COL25A1: variants seen among roughly 807,000 people sequenced by gnomAD.
COL25A1 encodes collagen alpha-1(XXV) chain.
A neutral mutation model predicts 128.4 loss-of-function variants in COL25A1; 103 were observed. That is an observed-to-expected ratio of 0.80 (90% CI 0.68 to 0.94). COL25A1 has a LOEUF of 0.94. Among genes scored for constraint, COL25A1 ranks in the 40% least tolerant of loss-of-function variants. The pLI is 0.00. For synonymous variants in COL25A1, 279 were observed against 277.2 expected, an observed-to-expected ratio of 1.01 and a Z score of -0.06; for missense variants, 745 against 840.0, an observed-to-expected ratio of 0.89 and a Z score of 1.40.
intron 3 of COL25A1, among the ~76,000 whole-genome samples, chr4:109,149,362 C>T (rs1356792772): frequency 6.6e-6 from 1 of 152,026 alleles, no homozygotes; most frequent in East Asian, 1.9e-4. Context: ...TATATAAAAA[C>T]TACACTATTC....
chr4:109,091,947 G>A (rs1764948891), intron 3 of COL25A1, among the ~76,000 whole-genome samples: 1 of 152,126 alleles, frequency 6.6e-6, no homozygotes, highest in South Asian at 2.1e-4. Flanking sequence ...GACCAAAGCC[G>A]AGAGACGCAG....
intron 30 of COL25A1, among the ~76,000 whole-genome samples, chr4:108,842,513 A>G (rs758846534): frequency 5.3e-5 from 8 of 152,238 alleles, no homozygotes; most frequent in Non-Finnish European, 1.0e-4. Context: ...ATTTGGAGAA[A>G]GGAGTATTTA....
At chr4:109,129,795 T>C (rs1021114131) in intron 3 of COL25A1, among the ~76,000 whole-genome samples, 5 of 152,196 alleles carry the variant, frequency 3.3e-5, no homozygotes, top group Non-Finnish European at 4.4e-5. Flanking sequence ...ATAGATTGTA[T>C]AGATTTGGCC....
chr4:108,846,566 C>A (rs1337879767), intron 27 of COL25A1, among the ~76,000 whole-genome samples: 1 of 152,126 alleles, frequency 6.6e-6, no homozygotes, highest in Non-Finnish European at 1.5e-5. Context: ...CTCAACAATA[C>A]AGGATGTATT....
At chr4:109,138,849 A>C (rs563954081) in intron 3 of COL25A1, among the ~76,000 whole-genome samples, 1 of 152,228 alleles carries the variant, frequency 6.6e-6, no homozygotes, top group East Asian at 1.9e-4. Context: ...CTGGGACTAC[A>C]GGCACCCACC....
intron 6 of COL25A1, among the ~76,000 whole-genome samples, chr4:108,983,808 C>T (rs1753314334): frequency 6.6e-6 from 1 of 152,138 alleles, no homozygotes; most frequent in African/African-American, 2.4e-5. Context: ...AGGAGTGAAG[C>T]TGCAGACCTT....
intron 8 of COL25A1, among the ~76,000 whole-genome samples, chr4:108,952,474 C>T (rs1407182734): frequency 6.6e-6 from 1 of 152,118 alleles, no homozygotes; most frequent in African/African-American, 2.4e-5. Context: ...TTGAATTCAG[C>T]CCCATCTGAA....
At chr4:109,240,227 C>A (rs1278392531) in intron 3 of COL25A1, among the ~76,000 whole-genome samples, 1 of 151,944 alleles carries the variant, frequency 6.6e-6, no homozygotes, top group African/African-American at 2.4e-5. Flanking sequence ...ACGTACTGTG[C>A]ATAACTGTAT....
intron 3 of COL25A1, among the ~76,000 whole-genome samples, chr4:109,152,784 A>G (rs1771627352): frequency 6.6e-6 from 1 of 152,258 alleles, no homozygotes; most frequent in South Asian, 2.1e-4. Context: ...CAAATATTGT[A>G]TGATTCAATT....
At chr4:109,136,417 A>C (rs1769771297) in intron 3 of COL25A1, among the ~76,000 whole-genome samples, 1 of 152,156 alleles carries the variant, frequency 6.6e-6, no homozygotes, top group African/African-American at 2.4e-5. Flanking sequence ...TAATAATAAT[A>C]ATCTTAAAGA....
intron 31 of COL25A1, chr4:108,838,192 C>T: frequency 6.5e-7 from 1 of 1,546,706 alleles, no homozygotes; most frequent in Non-Finnish European, 8.7e-7. Flanking sequence ...AATGCAAAAG[C>T]AAATGCCAAT....
At chr4:109,192,442 C>T (rs1775694891) in intron 3 of COL25A1, among the ~76,000 whole-genome samples, 1 of 151,930 alleles carries the variant, frequency 6.6e-6, no homozygotes, top group African/African-American at 2.4e-5. Context: ...TGTTGAAGTT[C>T]TAACCCTCAG....
At chr4:109,092,939 T>C (rs1265839826) in intron 3 of COL25A1, among the ~76,000 whole-genome samples, 1 of 152,140 alleles carries the variant, frequency 6.6e-6, no homozygotes, top group Non-Finnish European at 1.5e-5. Context: ...CATAGGAGAT[T>C]GTGAAGATTG....
chr4:109,190,211 A>G (rs1775485928), intron 3 of COL25A1, among the ~76,000 whole-genome samples: 1 of 152,202 alleles, frequency 6.6e-6, no homozygotes, highest in South Asian at 2.1e-4. Context: ...AAGTAATTGG[A>G]ATGAAAACAA....
intron 3 of COL25A1, among the ~76,000 whole-genome samples, chr4:109,068,539 T>A (rs573084743): frequency 6.6e-6 from 1 of 152,140 alleles, no homozygotes; most frequent in South Asian, 2.1e-4. Context: ...TCAAAGGAAG[T>A]TTACTTCTAA....
chr4:108,973,454 C>T (rs1175078020), intron 8 of COL25A1, among the ~76,000 whole-genome samples: 1 of 152,206 alleles, frequency 6.6e-6, no homozygotes, highest in Non-Finnish European at 1.5e-5. Flanking sequence ...TTCAAGTTTG[C>T]ATCAACTGCA....
chr4:108,963,740 T>A (rs1444777244), intron 8 of COL25A1, among the ~76,000 whole-genome samples: 5 of 151,832 alleles, frequency 3.3e-5, no homozygotes, highest in Non-Finnish European at 7.4e-5. Flanking sequence ...AACCAATATT[T>A]TATAAAAAGC....
intron 3 of COL25A1, among the ~76,000 whole-genome samples, chr4:109,185,510 CCTGT>C (rs1441397382): frequency 6.6e-6 from 1 of 152,178 alleles, no homozygotes; most frequent in Non-Finnish European, 1.5e-5. Context: ...TTCAAACCTT[CCTGT>C]CTATTTTTTG....
chr4:108,918,824 A>G (rs1039864928), intron 12 of COL25A1, among the ~76,000 whole-genome samples: 5 of 152,226 alleles, frequency 3.3e-5, no homozygotes, highest in African/African-American at 1.2e-4. Context: ...AAAAAAAGTT[A>G]AGGTGTGTGT....
Sources: allele counts gnomAD v4.1 joint callset (sites outside exome capture counted in the v4.1 genomes callset), GRCh38; gene constraint gnomAD v4.1.1; transcripts MANE v1.5; gene names NCBI Gene and HGNC (gene_info 2026-07-23, HGNC 2026-07-21).